DCLK1: variants seen among roughly 807,000 people sequenced by gnomAD.
DCLK1 encodes the protein serine/threonine-protein kinase DCLK1.
A neutral mutation model predicts 86.2 loss-of-function variants in DCLK1; 16 were observed. The observed-to-expected ratio is 0.19, with a 90% confidence interval of 0.13 to 0.28. DCLK1 has a LOEUF of 0.28. Ranked by LOEUF, DCLK1 falls within the 10% of genes least tolerant of loss-of-function variation. The pLI, the probability that DCLK1 is intolerant of heterozygous loss-of-function variation, is 1.00. For synonymous variants in DCLK1, 369 were observed against 370.5 expected (o/e 1.00, Z 0.05); for missense variants, 590 against 940.2 (o/e 0.63, Z 4.87).
chr13:35,870,189 C>G (rs1463854233), intron 5 of DCLK1, among the ~76,000 whole-genome samples: 1 of 152,252 alleles, frequency 6.6e-6, no homozygotes, highest in Admixed American at 6.5e-5. Context: ...GAGGCATTGG[C>G]AGCCCATTGA....
At chr13:35,814,260 C>G (rs186619508) in intron 11 of DCLK1, among the ~76,000 whole-genome samples, 7 of 152,310 alleles carry the variant, frequency 4.6e-5, no homozygotes, top group Middle Eastern at 3.4e-3. Flanking sequence ...AAAGCCTGCA[C>G]GCGCGCACAC....
chr13:36,079,012 A>G (rs918798913), intron 3 of DCLK1, among the ~76,000 whole-genome samples: 5 of 152,172 alleles, frequency 3.3e-5, no homozygotes, highest in African/African-American at 9.7e-5. Flanking sequence ...AAATCAACCA[A>G]TGAGCAGGAC....
At chr13:35,842,228 CAAAAAAA>C (rs35862851) in intron 6 of DCLK1, among the ~76,000 whole-genome samples, 6 of 35,118 alleles carry the variant, frequency 1.7e-4, no homozygotes, top group South Asian at 4.4e-3. Context: ...GACTCCATCT[CAAAAAAA>C]AAAAAAAAAA....
intron 2 of DCLK1, among the ~76,000 whole-genome samples, chr13:36,121,852 TC>T (rs1455584898): frequency 1.6e-4 from 24 of 152,162 alleles, no homozygotes; most frequent in Admixed American, 1.6e-3. Flanking sequence ...ACGCCTGAAA[TC>T]CCAGCATTTT....
At chr13:35,848,887 C>T (rs1411532558) in intron 6 of DCLK1, 1 of 985,202 alleles carries the variant, frequency 1.0e-6, no homozygotes, top group African/African-American at 1.7e-5. Context: ...GCATAGGCAA[C>T]CTCACAGATG....
chr13:35,786,078 A>G (rs1464492286), intron 16 of DCLK1, among the ~76,000 whole-genome samples: 1 of 152,186 alleles, frequency 6.6e-6, no homozygotes, highest in Non-Finnish European at 1.5e-5. Flanking sequence ...ATTATCTCCC[A>G]TCTGCTCCTG....
Position 35,947,344 on chromosome 13 carries a change from T to G in DCLK1, c.823+14A>C. On this transcript the variant is annotated intron_variant, in intron 4 of 16. Coordinates refer to ENST00000360631, the MANE Select transcript of DCLK1 (RefSeq NM_001330071.2). ...CTCAAATTTCCCCTGGTTTTGAACT[T>G]TTTTTTTCCTTACCACTTTCATCTA... The G allele has an allele frequency of 6.2e-7, 1 of 1,611,652 alleles. No homozygotes were observed. Among genetic ancestry groups the G allele is most frequent in the Non-Finnish European group, 8.5e-7 (1 of 1,178,308 alleles).
At chr13:35,795,284 TCAAA>T (rs1279577088) in intron 15 of DCLK1, among the ~76,000 whole-genome samples, 3 of 152,208 alleles carry the variant, frequency 2.0e-5, no homozygotes, top group South Asian at 2.1e-4. Flanking sequence ...AAACAAGAAG[TCAAA>T]CAGTTTGTCT....
rs1319861621 is a variant in DCLK1 at position 36,081,249 on chromosome 13, CAA to C, written c.723+30618_723+30619del. The stretch of plus-strand genomic sequence containing the variant: ...CAATTTGACTCAAGTATATTTCCCT[CAA>C]AATTATTCCTTTCCTAACATCTCAT... On this transcript the variant is annotated intron_variant, in intron 3 of 16. Transcript: ENST00000360631. Among the ~76,000 whole-genome samples the C allele has an allele frequency of 5.3e-5, 8 of 152,186 alleles. No homozygotes were observed. In the East Asian group the frequency reaches 1.5e-3, roughly 29 times the overall value.
intron 3 of DCLK1, among the ~76,000 whole-genome samples, chr13:36,004,749 C>A (rs1170993): frequency 2.6e-5 from 4 of 152,038 alleles, no homozygotes; most frequent in African/African-American, 4.8e-5. Flanking sequence ...ATAATTTTTG[C>A]ATTTTTTTCG....
At chr13:35,855,862 G>A (rs1457204789) in intron 5 of DCLK1, 9 of 1,138,556 alleles carry the variant, frequency 7.9e-6, no homozygotes, top group Non-Finnish European at 8.6e-6. Flanking sequence ...ATAATGAAGT[G>A]GCCCTGGGGG....
At chr13:35,944,067 G>C (rs1877235614) in intron 4 of DCLK1, among the ~76,000 whole-genome samples, 1 of 152,184 alleles carries the variant, frequency 6.6e-6, no homozygotes, top group Admixed American at 6.5e-5. Flanking sequence ...TGCAAACTTA[G>C]GGGAGGAAGG....
At chr13:36,022,966 T>C (rs896535286) in intron 3 of DCLK1, among the ~76,000 whole-genome samples, 3 of 152,126 alleles carry the variant, frequency 2.0e-5, no homozygotes, top group Non-Finnish European at 4.4e-5. Flanking sequence ...TACAGGCAAA[T>C]ATCCCTTGTG....
At chr13:35,999,186 C>T (rs1880603827) in intron 3 of DCLK1, among the ~76,000 whole-genome samples, 1 of 151,828 alleles carries the variant, frequency 6.6e-6, no homozygotes, top group Admixed American at 6.6e-5. Flanking sequence ...ACCCAGGAGG[C>T]AGAGGTTGCA....
intron 3 of DCLK1, among the ~76,000 whole-genome samples, chr13:35,993,689 A>G (rs1261450465): frequency 6.6e-6 from 1 of 152,218 alleles, no homozygotes; most frequent in African/African-American, 2.4e-5. Context: ...TCTGAATTAC[A>G]AAGATTTACA....
intron 3 of DCLK1, among the ~76,000 whole-genome samples, chr13:36,047,529 C>G (rs1316416047): frequency 6.6e-6 from 1 of 152,134 alleles, no homozygotes; most frequent in African/African-American, 2.4e-5. Flanking sequence ...GAAATCCTGT[C>G]ATTAGCAACA....
At chr13:36,022,582 G>T (rs1881829194) in intron 3 of DCLK1, among the ~76,000 whole-genome samples, 1 of 151,834 alleles carries the variant, frequency 6.6e-6, no homozygotes, top group African/African-American at 2.4e-5. Context: ...GTAAAAGAGG[G>T]GTCATCACTT....
chr13:35,903,737 A>T (rs1310006734), intron 4 of DCLK1, among the ~76,000 whole-genome samples: 1 of 138,686 alleles, frequency 7.2e-6, no homozygotes, highest in Non-Finnish European at 1.5e-5. Flanking sequence ...CTAACAAAAT[A>T]AAAAAAAAAT....
chr13:36,093,404 C>T (rs563201567), intron 3 of DCLK1, among the ~76,000 whole-genome samples: 3 of 152,202 alleles, frequency 2.0e-5, no homozygotes, highest in African/African-American at 7.2e-5. Flanking sequence ...GCCAAGGGCT[C>T]CCATGGTGGC....
Sources: allele counts gnomAD v4.1 joint callset (sites outside exome capture counted in the v4.1 genomes callset), GRCh38; gene constraint gnomAD v4.1.1; transcripts MANE v1.5; gene names NCBI Gene and HGNC (gene_info 2026-07-23, HGNC 2026-07-21).